Variants in ESRRB observed in about 807,000 individuals in gnomAD.
The protein encoded by ESRRB is steroid hormone receptor ERR2.
ESRRB carries 16 observed loss-of-function variants against 46.0 expected under a neutral mutation model. That is an observed-to-expected ratio of 0.35 (90% confidence interval 0.24 to 0.53). ESRRB has a LOEUF of 0.53. Ranked by LOEUF, ESRRB falls within the 20% of genes least tolerant of loss-of-function variation. ESRRB has a pLI of 0.93. For synonymous variants in ESRRB, 246 were observed against 259.6 expected (o/e 0.95, Z 0.50); for missense variants, 488 against 607.4 (o/e 0.80, Z 2.07).
intron 1 of ESRRB, among the ~76,000 whole-genome samples, chr14:76,415,787 A>T (rs967516288): frequency 1.3e-5 from 2 of 152,300 alleles, no homozygotes; most frequent in East Asian, 1.9e-4. Context: ...GATTACAGGC[A>T]TGAGCCACTG....
chr14:76,402,061 T>C (rs150979338), intron 1 of ESRRB, among the ~76,000 whole-genome samples: 173 of 152,320 alleles, frequency 1.1e-3, no homozygotes, highest in African/African-American at 4.0e-3. Flanking sequence ...TTGAAGGCCA[T>C]TGGGCAGGAA....
chr14:76,407,933 G>A lies in ESRRB; in HGVS notation c.51-31408G>A, dbSNP rs188759579. ...TAGCCAAACCACCTGGTGGGTGACT[G>A]TTGACACGGGACTGCCGGGTCCTGG... On this transcript the variant is annotated intron_variant, in intron 1 of 6. Coordinates refer to ENST00000644823, the MANE Select transcript of ESRRB (RefSeq NM_001379180.1). 1.2e-4 allele frequency among the ~76,000 whole-genome samples: 18 copies of A among 152,342 alleles called. No individual in the cohort carries two copies. The East Asian group carries it at 3.1e-3, about 26-fold the overall frequency.
intron 1 of ESRRB, among the ~76,000 whole-genome samples, chr14:76,425,516 A>C (rs1887160452): frequency 6.2e-5 from 9 of 146,176 alleles, no homozygotes; most frequent in African/African-American, 1.0e-4. Flanking sequence ...CTCCCTCCTC[A>C]CCTCCTTCCT....
chr14:76,466,773 G>C (rs1032657444), intron 3 of ESRRB, among the ~76,000 whole-genome samples: 1 of 151,928 alleles, frequency 6.6e-6, no homozygotes, highest in African/African-American at 2.4e-5. Flanking sequence ...CGCCAGGCTG[G>C]AGTGCAGTGG....
rs563867623 is a variant in ESRRB at position 76,452,664 on chromosome 14, G to A, written c.461-9881G>A. On this transcript the variant is annotated intron_variant, in intron 2 of 6. Transcript: ENST00000644823. ...AAAACAAAACAAAACAAAAAAAAAG[G>A]TGGATTCATTATTAAAAGGATAGTG... Among the ~76,000 whole-genome samples the A allele has an allele frequency of 1.0e-4, 15 of 147,298 alleles. No individual in the cohort carries two copies. The South Asian group carries it at 3.4e-3, about 34-fold the overall frequency.
At chr14:76,442,704 A>G (rs980182536) in intron 2 of ESRRB, among the ~76,000 whole-genome samples, 1 of 152,042 alleles carries the variant, frequency 6.6e-6, no homozygotes, top group Non-Finnish European at 1.5e-5. Flanking sequence ...TTATAGAATA[A>G]GCTTTTGTAA....
chr14:76,346,916 C>A (rs1365939550), intron 1 of ESRRB, among the ~76,000 whole-genome samples: 1 of 152,228 alleles, frequency 6.6e-6, no homozygotes. Flanking sequence ...GCCCCACTGT[C>A]TTATTTACTG....
intron 2 of ESRRB, among the ~76,000 whole-genome samples, chr14:76,455,050 CTA>C (rs916990791): frequency 1.1e-4 from 12 of 113,148 alleles, no homozygotes; most frequent in African/African-American, 3.9e-4. Context: ...AACCCCGTCT[CTA>C]CTAAAAATAC....
intron 1 of ESRRB, among the ~76,000 whole-genome samples, chr14:76,385,095 C>T (rs1227220701): frequency 6.6e-6 from 1 of 151,946 alleles, no homozygotes; most frequent in African/African-American, 2.4e-5. Flanking sequence ...GTATATGTAT[C>T]GTGGAACGAA....
intron 1 of ESRRB, among the ~76,000 whole-genome samples, chr14:76,415,669 T>TA (rs1257704579): frequency 1.3e-5 from 2 of 151,984 alleles, no homozygotes; most frequent in African/African-American, 4.8e-5. Flanking sequence ...CAAAAATCAA[T>TA]AAAAAATTAG....
intron 2 of ESRRB, among the ~76,000 whole-genome samples, chr14:76,451,610 ATTTTATTTTAT>A (rs960525503): frequency 3.3e-5 from 5 of 151,928 alleles, no homozygotes; most frequent in African/African-American, 9.7e-5. Flanking sequence ...TGAGGAAGCA[ATTTTATTTTAT>A]TTTTATTTTA....
intron 3 of ESRRB, among the ~76,000 whole-genome samples, chr14:76,480,309 A>T (rs1889756628): frequency 6.6e-6 from 1 of 152,092 alleles, no homozygotes; most frequent in South Asian, 2.1e-4. Context: ...TTGTGGGCTC[A>T]CTCAGTGAAC....
intron 3 of ESRRB, among the ~76,000 whole-genome samples, chr14:76,474,619 T>C (rs747469202): frequency 6.6e-6 from 1 of 152,138 alleles, no homozygotes; most frequent in Non-Finnish European, 1.5e-5. Flanking sequence ...AGAGGGTGGA[T>C]TGCTTAAGCT....
chr14:76,361,968 A>T (rs1884470075), intron 1 of ESRRB, among the ~76,000 whole-genome samples: 1 of 152,204 alleles, frequency 6.6e-6, no homozygotes. Context: ...GAGCTGTCAC[A>T]GTAACAAGGT....
In ESRRB at chr14:76,411,075, C is replaced by T. The variant is rs185208898; in HGVS notation, c.51-28266C>T. ...CTGGGATTACAGGCAAGAGCCACCG[C>T]GCCTGGCCCATTCATTTCTTCTTGG... On this transcript the variant is annotated intron_variant, in intron 1 of 6. Transcript: ENST00000644823. 2.2e-3 allele frequency among the ~76,000 whole-genome samples: 341 copies of T among 152,148 alleles called. 1 individual carries two copies. Among genetic ancestry groups the T allele is most frequent in the African/African-American group, 3.3e-3 (135 of 41,516 alleles).
At chr14:76,314,115 T>C (rs1385537446) in intron 1 of ESRRB, among the ~76,000 whole-genome samples, 1 of 151,666 alleles carries the variant, frequency 6.6e-6, no homozygotes, top group Non-Finnish European at 1.5e-5. Flanking sequence ...TTAAAACCCC[T>C]CAGGGCTGTT....
upstream of ESRRB, among the ~76,000 whole-genome samples, chr14:76,368,949 C>A (rs539211294): frequency 3.3e-5 from 5 of 152,162 alleles, no homozygotes; most frequent in Non-Finnish European, 5.9e-5. Context: ...GTAATCCCAG[C>A]ACTCTGGGAG....
At chr14:76,360,580 C>T (rs115909975) in intron 1 of ESRRB, among the ~76,000 whole-genome samples, 116 of 152,258 alleles carry the variant, frequency 7.6e-4, no homozygotes, top group African/African-American at 2.7e-3. Flanking sequence ...CCTGAGAATA[C>T]CCTGGACACT....
At chr14:76,441,500 T>C (rs1384107979) in intron 2 of ESRRB, among the ~76,000 whole-genome samples, 1 of 152,112 alleles carries the variant, frequency 6.6e-6, no homozygotes. Context: ...TTAATAGAGA[T>C]GGAGTCTCAC....
Sources: allele counts gnomAD v4.1 joint callset (sites outside exome capture counted in the v4.1 genomes callset), GRCh38; gene constraint gnomAD v4.1.1; transcripts MANE v1.5; gene names NCBI Gene and HGNC (gene_info 2026-07-23, HGNC 2026-07-21).